WARS2: variants seen among roughly 807,000 people sequenced by gnomAD.
The protein encoded by WARS2 is tryptophanyl tRNA synthetase 2, mitochondrial.
WARS2 carries 28 observed loss-of-function variants against 36.5 expected under a neutral mutation model. The observed-to-expected ratio is 0.77, with a 90% CI of 0.57 to 1.05. The LOEUF is 1.05. WARS2 is among the 50% of genes least tolerant of loss of function. The pLI, the probability that WARS2 is intolerant of heterozygous loss-of-function variation, is 0.00. For synonymous variants in WARS2, 174 were observed against 178.4 expected (o/e 0.98, Z 0.20); for missense variants, 435 against 456.8 (o/e 0.95, Z 0.44).
intron 2 of WARS2, among the ~76,000 whole-genome samples, chr1:119,069,216 A>T (rs1409609892): frequency 6.6e-6 from 1 of 152,218 alleles, no homozygotes; most frequent in Non-Finnish European, 1.5e-5. Flanking sequence ...TGAAAAAATC[A>T]CATTATAAAA....
chr1:119,112,514 A>G (rs1654712270), intron 1 of WARS2, among the ~76,000 whole-genome samples: 1 of 152,258 alleles, frequency 6.6e-6, no homozygotes, highest in Non-Finnish European at 1.5e-5. Context: ...TGCAGAACAC[A>G]GAAGGACTGA....
chr1:119,130,692 A>G (rs1216783754), intron 1 of WARS2, among the ~76,000 whole-genome samples: 2 of 152,104 alleles, frequency 1.3e-5, no homozygotes, highest in African/African-American at 4.8e-5. Flanking sequence ...GCACTGTCTC[A>G]TGTGTTGTCT....
intron 1 of WARS2, 23 bp downstream of exon 1, chr1:119,140,532 A>T: frequency 6.2e-7 from 1 of 1,607,588 alleles, no homozygotes; most frequent in East Asian, 2.2e-5. Context: ...GAAGCCGCGG[A>T]GGGAAGGGCC....
chr1:119,043,052 T>TGG (rs200205671), intron 3 of WARS2, among the ~76,000 whole-genome samples: 3 of 151,622 alleles, frequency 2.0e-5, no homozygotes, highest in Non-Finnish European at 4.4e-5. Flanking sequence ...ATTTAATAAC[T>TGG]GGGGGGGGCA....
At chr1:119,109,912 T>C (rs1477505567) in intron 1 of WARS2, among the ~76,000 whole-genome samples, 4 of 151,878 alleles carry the variant, frequency 2.6e-5, no homozygotes, top group African/African-American at 2.4e-5. Context: ...TTTTTATTTT[T>C]CTACATGATT....
rs11587890 is a variant in WARS2 at position 119,075,192 on chromosome 1, G to A, written c.348+1158C>T. Among the ~76,000 whole-genome samples the A allele has an allele frequency of 8.2e-3, 1,220 of 148,436 alleles. 9 individuals are homozygous for A. Among genetic ancestry groups the A allele is most frequent in the Non-Finnish European group, 0.01 (708 of 67,598 alleles). ...TATATATGAAATCAGTGTGTATTTA[G>A]GCATCAAAAAATAACAATACCACGA... On this transcript the variant is annotated intron_variant, in intron 2 of 5. Transcript: ENST00000235521.
chr1:119,041,231 C>A (rs1409160), intron 4 of WARS2, among the ~76,000 whole-genome samples: 63,644 of 152,108 alleles, frequency 0.42, 14,288 homozygotes, highest in African/African-American at 0.56. Flanking sequence ...AACACTGGTG[C>A]AGTGTCTTCT....
rs1301843471 is a variant in WARS2, at chr1:119,033,376, A to C, written c.635-17T>G. 3 of 1,613,822 alleles carry C rather than the reference A, an allele frequency of 1.9e-6. No homozygotes were observed. Among genetic ancestry groups the C allele is most frequent in the Non-Finnish European group, 2.5e-6 (3 of 1,179,856 alleles). On this transcript the variant is annotated splice_polypyrimidine_tract_variant and intron_variant, in intron 5 of 5. Coordinates refer to ENST00000235521, the MANE Select transcript of WARS2 (RefSeq NM_015836.4). Reference sequence around the variant, plus strand: ...TCATGGATGCTAGGTTAAAAACACCAACACACACATACCCAAAACAAAAAC... The same window carrying C: ...TCATGGATGCTAGGTTAAAAACACCCACACACACATACCCAAAACAAAAAC...
At chr1:119,131,707 C>T (rs978881023) in intron 1 of WARS2, among the ~76,000 whole-genome samples, 11 of 152,086 alleles carry the variant, frequency 7.2e-5, no homozygotes, top group African/African-American at 2.4e-4. Context: ...GTGATCTGCC[C>T]GCCTCGGCCT....
chr1:119,128,239 T>TA (rs1655819827), intron 1 of WARS2, among the ~76,000 whole-genome samples: 1 of 152,024 alleles, frequency 6.6e-6, no homozygotes, highest in Non-Finnish European at 1.5e-5. Context: ...CACTGGCCTG[T>TA]AATTTTTGTA....
chr1:119,089,537 T>C (rs1571343068), intron 1 of WARS2, among the ~76,000 whole-genome samples: 1 of 152,196 alleles, frequency 6.6e-6, no homozygotes, highest in Non-Finnish European at 1.5e-5. Flanking sequence ...GGGATAATAA[T>C]AGTACCTATC....
chr1:119,103,971 T>C lies in WARS2; in HGVS notation c.91-27364A>G, dbSNP rs114088478. Among the ~76,000 whole-genome samples, 1,284 of 150,744 alleles carry C rather than the reference T, an allele frequency of 8.5e-3. 16 individuals are homozygous for C. The highest frequency in any genetic ancestry group is 0.03 in the African/African-American group (1,224 of 41,404). ...AATGTATTATTTTTAATTAAAAATA[T>C]ATTTTTAAAATAAAAAATATATTTT... is the stretch of plus-strand genomic sequence containing the variant. On this transcript the variant is annotated intron_variant, in intron 1 of 5. Coordinates refer to ENST00000235521, the MANE Select transcript of WARS2 (RefSeq NM_015836.4).
At chr1:119,043,180 C>T (rs988410531) in intron 3 of WARS2, among the ~76,000 whole-genome samples, 1 of 152,200 alleles carries the variant, frequency 6.6e-6, no homozygotes, top group African/African-American at 2.4e-5. Context: ...AGTAGAGCTA[C>T]TTATTAGATG....
At chr1:119,104,699 T>C (rs1026199616) in intron 1 of WARS2, among the ~76,000 whole-genome samples, 4 of 150,372 alleles carry the variant, frequency 2.7e-5, no homozygotes, top group African/African-American at 9.7e-5. Flanking sequence ...GAAAAGTACC[T>C]TGGAGCACAT....
intron 1 of WARS2, among the ~76,000 whole-genome samples, chr1:119,102,070 TG>T (rs992807474): frequency 6.7e-4 from 4 of 5,956 alleles, no homozygotes; most frequent in Admixed American, 1.5e-3. Flanking sequence ...CGGTGGGGGT[TG>T]GGGGGGTGGG....
intron 4 of WARS2, 64 bp from the exon 5 acceptor site, chr1:119,034,277 G>A: frequency 2.4e-6 from 3 of 1,253,332 alleles, no homozygotes; most frequent in African/African-American, 1.5e-5. Flanking sequence ...AAATGATATT[G>A]CAAGCAGCTG....
At position 119,094,556 on chromosome 1, in the gene WARS2, A is replaced by G. The variant is rs587769080; in HGVS notation, c.91-17949T>C. Among the ~76,000 whole-genome samples, 8 of 152,318 alleles carry G rather than the reference A, an allele frequency of 5.3e-5. No individual in the cohort carries two copies. The East Asian group carries it at 1.5e-3, about 29-fold the overall frequency. Reference sequence around the variant, plus strand: ...AGCTCTTTATAAAAACTTCTAAAAAATAAATGTTATTGTATATATTTAAGG... The same window carrying G: ...AGCTCTTTATAAAAACTTCTAAAAAGTAAATGTTATTGTATATATTTAAGG... On this transcript the variant is annotated intron_variant, in intron 1 of 5. Transcript: ENST00000235521.
chr1:119,137,961 ATTAG>A lies in WARS2; in HGVS notation c.90+2590_90+2593del, dbSNP rs199915750. 7.9e-3 allele frequency among the ~76,000 whole-genome samples: 1,202 copies of A among 152,342 alleles called. 23 individuals are homozygous for A. The highest frequency in any genetic ancestry group is 0.027 in the African/African-American group (1,128 of 41,594). On this transcript the variant is annotated intron_variant, in intron 1 of 5. Transcript: ENST00000235521. ...AACAACTTAGGAATCACAACACTTT[ATTAG>A]TTAGAGTTTCTAACATAGCACTGTT...
At position 119,093,452 on chromosome 1, in the gene WARS2, T is replaced by C. The variant is rs1653185127; in HGVS notation, c.91-16845A>G. On this transcript the variant is annotated intron_variant, in intron 1 of 5. Coordinates refer to ENST00000235521, the MANE Select transcript of WARS2 (RefSeq NM_015836.4). ...TATTTGTAAATAGGATCTTCGCAGA[T>C]ATAATCAGTTAAGATGAAGTCATAA... Among the ~76,000 whole-genome samples the C allele has an allele frequency of 2.0e-5, 3 of 150,998 alleles. No individual in the cohort carries two copies. The Admixed American group carries it at 2.0e-4, about 10-fold the overall frequency.
Sources: gnomAD v4.1 joint callset for allele counts (sites outside exome capture counted in the v4.1 genomes callset) on GRCh38, gnomAD v4.1.1 for gene constraint, MANE v1.5 for transcripts, NCBI Gene and HGNC (gene_info 2026-07-23, HGNC 2026-07-21) for gene names.